CSMD1: variants seen among roughly 807,000 people sequenced by gnomAD.
The protein encoded by CSMD1 is CUB and Sushi multiple domains 1.
In CSMD1, 213 loss-of-function variants were observed where a neutral mutation model predicts 417.5. That is an observed-to-expected ratio of 0.51 (90% CI 0.46 to 0.57). The LOEUF is 0.57. Ranked by LOEUF, CSMD1 falls within the 20% of genes least tolerant of loss-of-function variation. CSMD1 has a pLI of 0.00. For synonymous variants in CSMD1, 2,862 were observed against 1,736.8 expected (o/e 1.65, Z -16.11); for missense variants, 6,923 against 4,529.7 (o/e 1.53, Z -15.17).
Position 3,575,115 on chromosome 8 carries a change from T to A in CSMD1, c.1223-49A>T, listed in dbSNP as rs897141478. The stretch of plus-strand genomic sequence containing the variant: ...TATTTTCTACAACATTGTGTCAGTT[T>A]GGTAAAGACATAACATTTATGGGAA... On this transcript the variant is annotated intron_variant, in intron 9 of 69. Transcript: ENST00000635120. 1.9e-6 allele frequency: 3 copies of A among 1,589,898 alleles called. No individual in the cohort carries two copies. The African/African-American group carries it at 4.0e-5, about 21-fold the overall frequency.
chr8:4,789,659 T>C (rs973970430), intron 1 of CSMD1, among the ~76,000 whole-genome samples: 3 of 152,188 alleles, frequency 2.0e-5, no homozygotes, highest in Non-Finnish European at 4.4e-5. Context: ...ATACTAGCTG[T>C]ATGTCAGAAT....
At position 3,268,566 on chromosome 8, in the gene CSMD1, G is replaced by A. The variant is rs1025623842; in HGVS notation, c.4153+15578C>T. 6.6e-5 allele frequency among the ~76,000 whole-genome samples: 10 copies of A among 151,996 alleles called. No individual in the cohort carries two copies. In the East Asian group the frequency reaches 1.5e-3, roughly 23 times the overall value. On this transcript the variant is annotated intron_variant, in intron 26 of 69. Coordinates refer to ENST00000635120, the MANE Select transcript of CSMD1 (RefSeq NM_033225.6). Reference sequence around the variant, plus strand: ...CTCCTAAAGTGCTGGGATTACAGGCGTGAGCCACCGTGCCAGGCCCAGATG... The same window carrying A: ...CTCCTAAAGTGCTGGGATTACAGGCATGAGCCACCGTGCCAGGCCCAGATG...
At chr8:4,694,553 C>T (rs950455435) in intron 1 of CSMD1, among the ~76,000 whole-genome samples, 6 of 151,762 alleles carry the variant, frequency 4.0e-5, no homozygotes, top group Admixed American at 2.0e-4. Flanking sequence ...TTAGTAGAGA[C>T]GGGGTTTCAC....
chr8:3,446,473 T>C (rs1348354140), intron 12 of CSMD1, among the ~76,000 whole-genome samples: 2 of 152,190 alleles, frequency 1.3e-5, no homozygotes, highest in African/African-American at 4.8e-5. Context: ...ATGAAACTGA[T>C]GATCAGAGAA....
chr8:4,231,297 G>A lies in CSMD1; in HGVS notation c.415+188656C>T, dbSNP rs146740787. On this transcript the variant is annotated intron_variant, in intron 3 of 69. Transcript: ENST00000635120. ...GAGGCAGTGATGCTAAGAAAAGCGT[G>A]TGAGGCTCAGAGTCATGGGTCCAAC... 7.7e-3 allele frequency among the ~76,000 whole-genome samples: 1,167 copies of A among 152,282 alleles called. 19 individuals carry two copies. The highest frequency in any genetic ancestry group is 0.026 in the African/African-American group (1,094 of 41,546).
chr8:3,720,376 A>C (rs1176125339), intron 6 of CSMD1, among the ~76,000 whole-genome samples: 2 of 152,192 alleles, frequency 1.3e-5, no homozygotes, highest in African/African-American at 2.4e-5. Context: ...TGCCTTTTCT[A>C]TCTATGGGAA....
intron 3 of CSMD1, among the ~76,000 whole-genome samples, chr8:4,140,192 C>T (rs1213231306): frequency 7.4e-6 from 1 of 136,024 alleles, no homozygotes; most frequent in Non-Finnish European, 1.7e-5. Flanking sequence ...GTATCTAAAA[C>T]CACAAAACAA....
chr8:4,912,979 G>T (rs1048581894), intron 1 of CSMD1, among the ~76,000 whole-genome samples: 6 of 152,086 alleles, frequency 3.9e-5, no homozygotes, highest in African/African-American at 1.4e-4. Flanking sequence ...AGTAGAGATG[G>T]GGTTTTACCG....
At chr8:3,832,378 T>C (rs140730133) in intron 5 of CSMD1, among the ~76,000 whole-genome samples, 49 of 152,330 alleles carry the variant, frequency 3.2e-4, no homozygotes, top group Middle Eastern at 3.4e-3. Flanking sequence ...TTTTTTCTGG[T>C]GACATTTTCT....
At chr8:3,867,090 G>C (rs1209258544) in intron 5 of CSMD1, among the ~76,000 whole-genome samples, 1 of 151,960 alleles carries the variant, frequency 6.6e-6, no homozygotes, top group Admixed American at 6.5e-5. Flanking sequence ...TAAAAATATT[G>C]TAACCATTTT....
At chr8:3,225,395 T>A (rs1798438759) in intron 27 of CSMD1, among the ~76,000 whole-genome samples, 1 of 151,962 alleles carries the variant, frequency 6.6e-6, no homozygotes, top group Non-Finnish European at 1.5e-5. Flanking sequence ...GTATGACTTT[T>A]TTTTTTTTTA....
chr8:3,182,015 C>T (rs259862), intron 36 of CSMD1, among the ~76,000 whole-genome samples: 36,457 of 152,078 alleles, frequency 0.24, 4,488 homozygotes, highest in African/African-American at 0.28. Flanking sequence ...CTAGTAAAAA[C>T]ATTCTCTAAA....
chr8:3,242,314 G>A (rs35977179), intron 26 of CSMD1, among the ~76,000 whole-genome samples: 2 of 148,574 alleles, frequency 1.3e-5, no homozygotes, highest in East Asian at 4.1e-4. Context: ...GTCAGATGGG[G>A]CTGTAGAAAA....
intron 10 of CSMD1, among the ~76,000 whole-genome samples, chr8:3,549,938 G>C (rs575406547): frequency 6.6e-6 from 1 of 152,290 alleles, no homozygotes; most frequent in South Asian, 2.1e-4. Context: ...AGAAAATTCA[G>C]GCAATTGAAA....
intron 10 of CSMD1, among the ~76,000 whole-genome samples, chr8:3,518,191 T>C (rs1797360301): frequency 6.6e-6 from 1 of 152,214 alleles, no homozygotes; most frequent in South Asian, 2.1e-4. Flanking sequence ...TAGCGAACTA[T>C]GGACCAATGA....
At chr8:4,130,039 G>A (rs915330642) in intron 3 of CSMD1, among the ~76,000 whole-genome samples, 2 of 152,216 alleles carry the variant, frequency 1.3e-5, no homozygotes, top group South Asian at 2.1e-4. Context: ...ATGGCAGTCT[G>A]CTTATATTAG....
intron 1 of CSMD1, among the ~76,000 whole-genome samples, chr8:4,892,647 T>G (rs1421027276): frequency 1.3e-5 from 2 of 152,086 alleles, no homozygotes; most frequent in African/African-American, 4.8e-5. Context: ...AACTTTTGAG[T>G]GTTTTCTTCT....
At chr8:3,165,401 G>A (rs1444756066) in intron 37 of CSMD1, among the ~76,000 whole-genome samples, 1 of 151,802 alleles carries the variant, frequency 6.6e-6, no homozygotes, top group South Asian at 2.1e-4. Flanking sequence ...CATGAGAACA[G>A]TGGTTTTTAA....
intron 1 of CSMD1, among the ~76,000 whole-genome samples, chr8:4,847,424 T>A (rs1441524606): frequency 6.6e-6 from 1 of 152,162 alleles, no homozygotes; most frequent in Non-Finnish European, 1.5e-5. Context: ...CAAACACTTT[T>A]GGATTTACAG....
Sources: gnomAD v4.1 joint callset for allele counts (sites outside exome capture counted in the v4.1 genomes callset) on GRCh38, gnomAD v4.1.1 for gene constraint, MANE v1.5 for transcripts, NCBI Gene and HGNC (gene_info 2026-07-23, HGNC 2026-07-21) for gene names.